Variants in ADGB observed in about 807,000 individuals in gnomAD.
ADGB encodes the protein calpain-7-like protein.
A neutral mutation model predicts 210.5 loss-of-function variants in ADGB; 172 were observed. The ratio of observed to expected loss-of-function variants is 0.82; its 90% CI spans 0.72 to 0.93. The LOEUF (loss-of-function observed/expected upper bound fraction) is 0.93. Ranked by LOEUF, ADGB falls within the 40% of genes least tolerant of loss-of-function variation. The probability of loss-of-function intolerance (pLI) is 0.00; values close to 1 mark genes in which losing one functional copy is unlikely to be tolerated. For missense variants in ADGB, 2,025 were observed against 1,964.8 expected (o/e 1.03, Z -0.58); for synonymous variants, 658 against 662.7 (o/e 0.99, Z 0.11).
At chr6:146,768,867 A>G (rs1331212267) in intron 28 of ADGB, among the ~76,000 whole-genome samples, 153 bp from the exon 29 acceptor site, 1 of 152,192 alleles carries the variant, frequency 6.6e-6, no homozygotes, top group Non-Finnish European at 1.5e-5. Flanking sequence ...GTAGCGTTAC[A>G]GAGTTTTGGA....
rs1583603561 is a variant in ADGB, at chr6:146,717,194, A to G, written c.1928+125A>G. ...AATATAGTGGTTATATAACCTATTA[A>G]TTCTTAGCATCATCCAAAATAAGCC... On this transcript the variant is annotated intron_variant, in intron 15 of 35. Coordinates refer to ENST00000397944, the MANE Select transcript of ADGB (RefSeq NM_024694.4). 5 of 759,688 alleles carry G rather than the reference A, an allele frequency of 6.6e-6. No individual in the cohort carries two copies. In the East Asian group the frequency reaches 1.4e-4, roughly 21 times the overall value. The allele number at this position is 759,688 out of a possible 1,614,324, so 47.1% of individuals were successfully genotyped here.
chr6:146,664,389 C>T (rs962228889), intron 6 of ADGB, 49 bp downstream of exon 6: 53 of 1,494,748 alleles, frequency 3.5e-5, no homozygotes, highest in Middle Eastern at 2.0e-4. Context: ...CAAACAAAAA[C>T]ATTAACTATA....
rs551534592 is a variant in ADGB, at chr6:146,634,879, C to T, written c.75-496C>T. Reference sequence around the variant, plus strand: ...TGAAATAAGGTATATTTATACAAGACGATCTTATACAATCCTTAAATTAGT... The same window carrying T: ...TGAAATAAGGTATATTTATACAAGATGATCTTATACAATCCTTAAATTAGT... On this transcript the variant is annotated intron_variant, in intron 1 of 35. Coordinates refer to ENST00000397944, the MANE Select transcript of ADGB (RefSeq NM_024694.4). 3.3e-4 allele frequency among the ~76,000 whole-genome samples: 50 copies of T among 151,916 alleles called. No homozygotes were observed. The South Asian group carries it at 9.2e-3, about 28-fold the overall frequency.
At chr6:146,715,624 G>T (rs1776721335) in intron 14 of ADGB, among the ~76,000 whole-genome samples, 1 of 152,076 alleles carries the variant, frequency 6.6e-6, no homozygotes, top group Admixed American at 6.5e-5. Flanking sequence ...AAGAGAATCT[G>T]ATTACCCACA....
At chr6:146,770,881 C>T (rs1002166792) in intron 29 of ADGB, among the ~76,000 whole-genome samples, 4 of 152,066 alleles carry the variant, frequency 2.6e-5, no homozygotes, top group African/African-American at 9.7e-5. Flanking sequence ...CATAAAAACA[C>T]TTTCGCACAT....
intron 13 of ADGB, among the ~76,000 whole-genome samples, chr6:146,706,645 A>T (rs1275034488): frequency 2.6e-5 from 4 of 151,968 alleles, no homozygotes; most frequent in Non-Finnish European, 5.9e-5. Context: ...TATGTCTAGA[A>T]ATTTGTTTCT....
chr6:146,680,565 G>A (rs1776144054), intron 9 of ADGB, among the ~76,000 whole-genome samples: 1 of 152,076 alleles, frequency 6.6e-6, no homozygotes, highest in Non-Finnish European at 1.5e-5. Context: ...TCTCAAGCTT[G>A]AGGAAACCTG....
At chr6:146,669,462 T>C (rs779067758) in intron 7 of ADGB, among the ~76,000 whole-genome samples, 1 of 152,064 alleles carries the variant, frequency 6.6e-6, no homozygotes, top group African/African-American at 2.4e-5. Flanking sequence ...ACCAGTGAAA[T>C]GGCTCTTCTT....
At chr6:146,706,824 C>G (rs1776576773) in intron 13 of ADGB, among the ~76,000 whole-genome samples, 1 of 97,832 alleles carries the variant, frequency 1.0e-5, no homozygotes, top group South Asian at 3.3e-4. Flanking sequence ...TTTTGTTTAT[C>G]TTTTCAAAGA....
intron 13 of ADGB, among the ~76,000 whole-genome samples, chr6:146,706,183 A>G (rs1278027848): frequency 6.6e-6 from 1 of 151,602 alleles, no homozygotes; most frequent in Non-Finnish European, 1.5e-5. Flanking sequence ...TGGCCTCCCA[A>G]AGTTCTGTAA....
chr6:146,766,148 C>T (rs781269998), intron 28 of ADGB, among the ~76,000 whole-genome samples: 10 of 151,074 alleles, frequency 6.6e-5, no homozygotes, highest in Non-Finnish European at 1.0e-4. Flanking sequence ...GGGCGGTGAG[C>T]GCAGTGGCTC....
chr6:146,602,546 A>G (rs952568213), intron 1 of ADGB, among the ~76,000 whole-genome samples: 1 of 152,218 alleles, frequency 6.6e-6, no homozygotes, highest in Non-Finnish European at 1.5e-5. Context: ...GTAACAGAAT[A>G]CCATAGATTG....
chr6:146,652,612 ATAT>A (rs1258826418), intron 3 of ADGB, among the ~76,000 whole-genome samples: 1 of 152,090 alleles, frequency 6.6e-6, no homozygotes, highest in Non-Finnish European at 1.5e-5. Context: ...TATTAGTTTT[ATAT>A]TATTATTATT....
intron 13 of ADGB, among the ~76,000 whole-genome samples, chr6:146,713,074 G>C (rs1583601559): frequency 1.3e-5 from 2 of 152,170 alleles, no homozygotes; most frequent in African/African-American, 4.8e-5. Context: ...ACCCGTGTTT[G>C]TACGTGTGTC....
intron 1 of ADGB, among the ~76,000 whole-genome samples, chr6:146,615,410 C>G (rs1399698181): frequency 1.3e-5 from 2 of 152,168 alleles, no homozygotes; most frequent in African/African-American, 4.8e-5. Flanking sequence ...ACCAACACCT[C>G]AAACATTTAT....
intron 29 of ADGB, among the ~76,000 whole-genome samples, chr6:146,781,624 T>C (rs1777801480): frequency 6.6e-6 from 1 of 152,062 alleles, no homozygotes; most frequent in South Asian, 2.1e-4. Context: ...TAACTGTGTC[T>C]AAACCAATCA....
At chr6:146,622,887 A>C (rs1780916792) in intron 1 of ADGB, among the ~76,000 whole-genome samples, 1 of 152,122 alleles carries the variant, frequency 6.6e-6, no homozygotes, top group South Asian at 2.1e-4. Flanking sequence ...CTTTGTAAAT[A>C]ATGCAAAGCG....
intron 23 of ADGB, among the ~76,000 whole-genome samples, chr6:146,739,117 A>C (rs1302235013): frequency 1.3e-5 from 2 of 152,086 alleles, no homozygotes; most frequent in Non-Finnish European, 2.9e-5. Flanking sequence ...ACAGTCTGGG[A>C]AGACTGGAAA....
chr6:146,649,900 G>T (rs1775674511), intron 3 of ADGB, among the ~76,000 whole-genome samples: 1 of 152,074 alleles, frequency 6.6e-6, no homozygotes, highest in African/African-American at 2.4e-5. Flanking sequence ...AAGCCAGTTT[G>T]GTAGTATGTT....
Sources: allele counts gnomAD v4.1 joint callset (sites outside exome capture counted in the v4.1 genomes callset), GRCh38; gene constraint gnomAD v4.1.1; transcripts MANE v1.5; gene names NCBI Gene and HGNC (gene_info 2026-07-23, HGNC 2026-07-21).